Variants in NELL1 observed in about 807,000 individuals in gnomAD.
NELL1 encodes the protein neural EGFL like 1.
NELL1 carries 76 observed loss-of-function variants against 107.4 expected under a neutral mutation model. That is an observed-to-expected ratio of 0.71 (90% CI 0.59 to 0.86). The LOEUF is 0.86. Ranked by LOEUF, NELL1 falls within the 40% of genes least tolerant of loss-of-function variation. NELL1 has a pLI of 0.00. For synonymous variants in NELL1, 353 were observed against 341.2 expected (o/e 1.03, Z -0.38); for missense variants, 1,024 against 1,005.5 (o/e 1.02, Z -0.25).
chr11:21,528,054 A>G (rs1422763228), intron 15 of NELL1, among the ~76,000 whole-genome samples: 1 of 152,196 alleles, frequency 6.6e-6, no homozygotes, highest in Non-Finnish European at 1.5e-5. Flanking sequence ...ATGAACCATC[A>G]CACTAATAGA....
At chr11:20,895,980 T>C (rs755708917) in intron 5 of NELL1, among the ~76,000 whole-genome samples, 1 of 152,172 alleles carries the variant, frequency 6.6e-6, no homozygotes, top group Non-Finnish European at 1.5e-5. Context: ...TGTTTATTTT[T>C]TATATTTTTA....
At chr11:20,831,476 A>G (rs1219759046) in intron 3 of NELL1, among the ~76,000 whole-genome samples, 1 of 152,222 alleles carries the variant, frequency 6.6e-6, no homozygotes, top group Admixed American at 6.5e-5. Context: ...GTGGCCAGGA[A>G]GCTCTTTCAG....
intron 3 of NELL1, among the ~76,000 whole-genome samples, chr11:20,801,947 T>C (rs1276569063): frequency 1.3e-5 from 2 of 152,226 alleles, no homozygotes; most frequent in African/African-American, 4.8e-5. Context: ...TCTATGTGTC[T>C]GTTTTTATGC....
At chr11:21,040,793 C>T (rs1853210373) in intron 12 of NELL1, among the ~76,000 whole-genome samples, 1 of 152,136 alleles carries the variant, frequency 6.6e-6, no homozygotes, top group Admixed American at 6.6e-5. Context: ...TAACTGTTCG[C>T]TGACCTAATA....
At chr11:21,014,169 T>C (rs781348075) in intron 12 of NELL1, among the ~76,000 whole-genome samples, 77 of 152,248 alleles carry the variant, frequency 5.1e-4, no homozygotes, top group Middle Eastern at 3.4e-3. Context: ...TTCAGTTGGA[T>C]TTGATGTAAT....
chr11:21,449,658 T>G (rs1186140154), intron 15 of NELL1, among the ~76,000 whole-genome samples: 1 of 152,232 alleles, frequency 6.6e-6, no homozygotes, highest in Non-Finnish European at 1.5e-5. Flanking sequence ...TCCAGTGTTT[T>G]GCCTTAGAAA....
chr11:20,790,201 G>T (rs1045646597), intron 3 of NELL1, among the ~76,000 whole-genome samples: 11 of 152,200 alleles, frequency 7.2e-5, no homozygotes, highest in African/African-American at 2.4e-4. Flanking sequence ...ACCTCCTGCT[G>T]ACATTCATGG....
chr11:21,245,187 T>G (rs530909592), intron 14 of NELL1, among the ~76,000 whole-genome samples: 29 of 152,144 alleles, frequency 1.9e-4, no homozygotes, highest in Non-Finnish European at 3.8e-4. Flanking sequence ...TGTATTTTAG[T>G]CAAACTAAAA....
intron 14 of NELL1, among the ~76,000 whole-genome samples, chr11:21,235,606 T>A (rs181045561): frequency 9.9e-4 from 151 of 152,252 alleles, no homozygotes; most frequent in African/African-American, 2.0e-3. Context: ...ATATAAGAAA[T>A]TTGACTTTCG....
intron 10 of NELL1, among the ~76,000 whole-genome samples, chr11:20,938,838 G>A (rs538291439): frequency 6.6e-6 from 1 of 152,200 alleles, no homozygotes; most frequent in African/African-American, 2.4e-5. Flanking sequence ...CAGAACAGGT[G>A]ACAATGGACC....
intron 2 of NELL1, among the ~76,000 whole-genome samples, chr11:20,755,556 G>GTTTTTTTTTTT (rs1188989442): frequency 1.7e-4 from 4 of 23,394 alleles, no homozygotes; most frequent in African/African-American, 3.3e-4. Flanking sequence ...TTTTGTTTTT[G>GTTTTTTTTTTT]TTTTTGTTTT....
At chr11:20,704,876 A>G (rs1224517683) in intron 2 of NELL1, among the ~76,000 whole-genome samples, 2 of 152,220 alleles carry the variant, frequency 1.3e-5, no homozygotes, top group Non-Finnish European at 2.9e-5. Context: ...TAACAGACAA[A>G]CAGAGAGCCA....
intron 2 of NELL1, 89 bp from the exon 3 acceptor site, chr11:20,783,591 C>A: frequency 2.3e-6 from 2 of 871,858 alleles, no homozygotes; most frequent in Non-Finnish European, 1.7e-6. Context: ...CTCATCTCCC[C>A]TCTCCTCTTT....
At chr11:21,299,494 A>C (rs1042318636) in intron 14 of NELL1, among the ~76,000 whole-genome samples, 2 of 148,166 alleles carry the variant, frequency 1.3e-5, no homozygotes, top group Non-Finnish European at 3.0e-5. Context: ...GGAAATTTCA[A>C]CATTTTATTG....
At chr11:21,047,808 G>GTTTCA (rs1565032156) in intron 12 of NELL1, among the ~76,000 whole-genome samples, 5 of 151,912 alleles carry the variant, frequency 3.3e-5, no homozygotes, top group Non-Finnish European at 1.5e-5. Flanking sequence ...GGTTTGTTTC[G>GTTTCA]TGAACCAGCT....
chr11:20,903,170 G>A (rs1849916260), intron 5 of NELL1, among the ~76,000 whole-genome samples: 1 of 152,052 alleles, frequency 6.6e-6, no homozygotes. Flanking sequence ...GTATATATGT[G>A]TGTGTGTATA....
At chr11:20,706,434 C>T (rs1031523300) in intron 2 of NELL1, among the ~76,000 whole-genome samples, 79 of 148,994 alleles carry the variant, frequency 5.3e-4, no homozygotes, top group Non-Finnish European at 3.3e-4. Context: ...AACCAAACAC[C>T]GCATGTTTTT....
intron 15 of NELL1, among the ~76,000 whole-genome samples, chr11:21,388,689 C>T (rs986831551): frequency 2.0e-5 from 3 of 151,858 alleles, no homozygotes; most frequent in Non-Finnish European, 4.4e-5. Context: ...ATGAAAGCAA[C>T]ATGAGCTTCT....
chr11:20,723,736 G>GT (rs1314207167), intron 2 of NELL1, among the ~76,000 whole-genome samples: 1 of 152,094 alleles, frequency 6.6e-6, no homozygotes, highest in Non-Finnish European at 1.5e-5. Flanking sequence ...ACTCTGTGGG[G>GT]GGGGGCTCCA....
Sources: allele counts gnomAD v4.1 joint callset (sites outside exome capture counted in the v4.1 genomes callset), GRCh38; gene constraint gnomAD v4.1.1; transcripts MANE v1.5; gene names NCBI Gene and HGNC (gene_info 2026-07-23, HGNC 2026-07-21).